ANGPT1: variants seen among roughly 807,000 people sequenced by gnomAD.
The protein encoded by ANGPT1 is angiopoietin-1.
Under a neutral mutation model 62.2 loss-of-function variants are expected in ANGPT1, and 17 were observed. The observed-to-expected ratio is 0.27, with a 90% CI of 0.19 to 0.41. The LOEUF (loss-of-function observed/expected upper bound fraction) is 0.41. Ranked by LOEUF, ANGPT1 falls within the 10% of genes least tolerant of loss-of-function variation. ANGPT1 has a pLI of 1.00. For missense variants in ANGPT1, 478 were observed against 594.9 expected, an observed-to-expected ratio of 0.80 and a Z score of 2.04; for synonymous variants, 199 against 198.9, an observed-to-expected ratio of 1.00 and a Z score of 0.00.
chr8:107,359,072 CTT>C (rs1404560193), intron 1 of ANGPT1, among the ~76,000 whole-genome samples: 3 of 152,106 alleles, frequency 2.0e-5, no homozygotes, highest in Non-Finnish European at 2.9e-5. Context: ...TCTTCATTCT[CTT>C]ATTTTTAAAT....
intron 1 of ANGPT1, among the ~76,000 whole-genome samples, chr8:107,355,956 G>T (rs1816036298): frequency 2.0e-5 from 3 of 152,106 alleles, no homozygotes; most frequent in South Asian, 2.1e-4. Context: ...TCACTGCCTG[G>T]CACATAGTGG....
intron 1 of ANGPT1, among the ~76,000 whole-genome samples, chr8:107,453,919 T>C (rs1200880446): frequency 6.6e-6 from 1 of 151,916 alleles, no homozygotes; most frequent in Admixed American, 6.6e-5. Context: ...AAAAAATAAA[T>C]TCACACATCT....
At chr8:107,489,512 C>G (rs914006438) in intron 1 of ANGPT1, among the ~76,000 whole-genome samples, 1 of 152,198 alleles carries the variant, frequency 6.6e-6, no homozygotes, top group African/African-American at 2.4e-5. Flanking sequence ...GCTACTTTCT[C>G]TGTTCAAAAT....
intron 1 of ANGPT1, among the ~76,000 whole-genome samples, chr8:107,391,506 A>G (rs953810055): frequency 6.6e-6 from 1 of 152,140 alleles, no homozygotes; most frequent in Non-Finnish European, 1.5e-5. Context: ...GTCTATACTG[A>G]CAATACAAAA....
At chr8:107,326,050 G>C (rs909983446) in intron 3 of ANGPT1, among the ~76,000 whole-genome samples, 1 of 152,138 alleles carries the variant, frequency 6.6e-6, no homozygotes, top group Non-Finnish European at 1.5e-5. Context: ...TAGCACGTTA[G>C]ACAGAACATT....
intron 1 of ANGPT1, among the ~76,000 whole-genome samples, chr8:107,372,157 TGTTTGTGTGAGGAA>T (rs1229501762): frequency 1.5e-5 from 2 of 135,690 alleles, no homozygotes; most frequent in Non-Finnish European, 3.1e-5. Flanking sequence ...TGTGTGTGCA[TGTTTGTGTGAGGAA>T]ATCCATGTGT....
intron 7 of ANGPT1, among the ~76,000 whole-genome samples, chr8:107,270,711 C>T (rs1813715192): frequency 6.6e-6 from 1 of 151,904 alleles, no homozygotes; most frequent in Non-Finnish European, 1.5e-5. Context: ...TTGCAATAGC[C>T]TATCAATGAA....
chr8:107,417,898 C>T (rs879677567), intron 1 of ANGPT1, among the ~76,000 whole-genome samples: 2 of 152,094 alleles, frequency 1.3e-5, no homozygotes, highest in Non-Finnish European at 2.9e-5. Context: ...GAAATGAGGG[C>T]CTCGGGGGAC....
In ANGPT1 at chr8:107,274,402, G is replaced by A. The variant is rs186468907; in HGVS notation, c.1206-10051C>T. Among the ~76,000 whole-genome samples, 337 of 152,198 alleles carry A rather than the reference G, an allele frequency of 2.2e-3. 3 individuals are homozygous for A. Among genetic ancestry groups the A allele is most frequent in the African/African-American group, 7.8e-3 (326 of 41,546 alleles). On this transcript the variant is annotated intron_variant, in intron 7 of 8. Transcript: ENST00000517746. ...AGAGTAATTTTAGTAAAGTTATGTA[G>A]GTAAAAGCAAAACTGTAGCCAGTTA...
chr8:107,300,816 A>T (rs1814568900), intron 5 of ANGPT1, among the ~76,000 whole-genome samples: 1 of 151,978 alleles, frequency 6.6e-6, no homozygotes, highest in Admixed American at 6.6e-5. Context: ...CATATTTAAA[A>T]TCCACCATTT....
chr8:107,338,231 G>T (rs956356023), intron 2 of ANGPT1, among the ~76,000 whole-genome samples: 2 of 152,228 alleles, frequency 1.3e-5, no homozygotes, highest in African/African-American at 4.8e-5. Flanking sequence ...AGAGGCAAAT[G>T]CCTCAGTTGC....
chr8:107,446,719 A>G (rs960505369), intron 1 of ANGPT1, among the ~76,000 whole-genome samples: 7 of 152,222 alleles, frequency 4.6e-5, no homozygotes, highest in Admixed American at 4.6e-4. Flanking sequence ...GAATATGGAA[A>G]GAATAGAACT....
chr8:107,404,080 C>T (rs1283688), intron 1 of ANGPT1, among the ~76,000 whole-genome samples: 72,830 of 151,956 alleles, frequency 0.48, 19,215 homozygotes, highest in Middle Eastern at 0.6. Context: ...CCACTCTTGC[C>T]AAGATCAGCT....
intron 1 of ANGPT1, among the ~76,000 whole-genome samples, chr8:107,478,282 C>T (rs867096155): frequency 6.7e-6 from 1 of 149,556 alleles, no homozygotes; most frequent in Admixed American, 6.7e-5. Context: ...GGCGTGGTGG[C>T]TCATGCCTGT....
intron 1 of ANGPT1, among the ~76,000 whole-genome samples, chr8:107,357,240 A>C (rs1816065737): frequency 6.6e-6 from 1 of 152,208 alleles, no homozygotes; most frequent in South Asian, 2.1e-4. Context: ...ACAACACAGA[A>C]ATCTTTTTCC....
At chr8:107,257,013 C>T (rs147179569) in intron 8 of ANGPT1, among the ~76,000 whole-genome samples, 2,590 of 152,102 alleles carry the variant, frequency 0.017, 34 homozygotes, top group African/African-American at 0.024. Context: ...TCCGCTACCA[C>T]GCCTGGCTAA....
intron 1 of ANGPT1, among the ~76,000 whole-genome samples, chr8:107,405,131 C>T (rs569794246): frequency 2.6e-5 from 4 of 151,924 alleles, no homozygotes; most frequent in African/African-American, 9.6e-5. Context: ...AAATCACCTA[C>T]AATTATACCA....
intron 7 of ANGPT1, among the ~76,000 whole-genome samples, chr8:107,269,862 G>A (rs574579615): frequency 2.0e-5 from 3 of 152,070 alleles, no homozygotes; most frequent in African/African-American, 7.2e-5. Flanking sequence ...TATAAAGAAT[G>A]TCAGCATTTT....
chr8:107,294,399 A>G (rs2130182544), intron 5 of ANGPT1: 1 of 158,262 alleles, frequency 6.3e-6, no homozygotes, highest in African/African-American at 2.4e-5. Flanking sequence ...AAAGTTACAG[A>G]CCATTTGATT....
Sources: allele counts gnomAD v4.1 joint callset (sites outside exome capture counted in the v4.1 genomes callset), GRCh38; gene constraint gnomAD v4.1.1; transcripts MANE v1.5; gene names NCBI Gene and HGNC (gene_info 2026-07-23, HGNC 2026-07-21).